MECOM: variants seen among roughly 807,000 people sequenced by gnomAD.
MECOM encodes MDS1 and EVI1 complex locus.
In MECOM, 13 loss-of-function variants were observed where a neutral mutation model predicts 116.3. The observed-to-expected ratio is 0.11, with a 90% CI of 0.07 to 0.18. The LOEUF (loss-of-function observed/expected upper bound fraction) is 0.18. MECOM is among the 10% of genes least tolerant of loss of function. The pLI is 1.00. For missense variants in MECOM, 1,299 were observed against 1,509.0 expected (o/e 0.86, Z 2.31); for synonymous variants, 528 against 535.2 (o/e 0.99, Z 0.19).
At chr3:169,210,209 T>C (rs1346393847) in intron 2 of MECOM, among the ~76,000 whole-genome samples, 2 of 151,948 alleles carry the variant, frequency 1.3e-5, no homozygotes, top group Non-Finnish European at 2.9e-5. Flanking sequence ...AGGGAGAGCA[T>C]TAGGACAAAT....
intron 2 of MECOM, among the ~76,000 whole-genome samples, chr3:169,202,667 C>T (rs927503091): frequency 6.6e-6 from 1 of 151,792 alleles, no homozygotes. Context: ...TACAGTTCCA[C>T]CTAACCAGAC....
At chr3:169,498,047 G>A (rs552929028) in intron 1 of MECOM, among the ~76,000 whole-genome samples, 1 of 152,056 alleles carries the variant, frequency 6.6e-6, no homozygotes, top group Non-Finnish European at 1.5e-5. Flanking sequence ...CTGAATATGC[G>A]CTTTATTTCT....
chr3:169,659,871 G>A (rs1480765656), intron 1 of MECOM, among the ~76,000 whole-genome samples: 1 of 152,106 alleles, frequency 6.6e-6, no homozygotes, highest in Non-Finnish European at 1.5e-5. Flanking sequence ...CTACTTCAGA[G>A]CCTTTTTTTA....
intron 2 of MECOM, among the ~76,000 whole-genome samples, chr3:169,247,960 G>GT (rs1755800483): frequency 6.6e-6 from 1 of 152,184 alleles, no homozygotes; most frequent in Non-Finnish European, 1.5e-5. Context: ...CTTTTGCCCA[G>GT]TGAACCTACA....
At chr3:169,129,183 G>T (rs540990844) in intron 4 of MECOM, among the ~76,000 whole-genome samples, 1 of 151,988 alleles carries the variant, frequency 6.6e-6, no homozygotes, top group Non-Finnish European at 1.5e-5. Context: ...GAAGGAGGGG[G>T]CACATTTCGG....
chr3:169,250,262 C>A (rs376823990), intron 2 of MECOM, among the ~76,000 whole-genome samples: 1 of 152,146 alleles, frequency 6.6e-6, no homozygotes, highest in Non-Finnish European at 1.5e-5. Flanking sequence ...TCAATTGACT[C>A]TTAGTAGCAG....
chr3:169,601,289 A>G (rs1270803077), intron 1 of MECOM, among the ~76,000 whole-genome samples: 2 of 152,236 alleles, frequency 1.3e-5, no homozygotes, highest in African/African-American at 4.8e-5. Context: ...AGGCTTAAAA[A>G]TCATTTCTTT....
At chr3:169,517,514 G>A (rs1210818066) in intron 1 of MECOM, among the ~76,000 whole-genome samples, 4 of 152,172 alleles carry the variant, frequency 2.6e-5, no homozygotes, top group Non-Finnish European at 5.9e-5. Flanking sequence ...AGCAGGGAAG[G>A]AAATGTCCTC....
chr3:169,472,618 A>AAAGG (rs1749663330), intron 1 of MECOM, among the ~76,000 whole-genome samples: 5 of 67,330 alleles, frequency 7.4e-5, no homozygotes, highest in Admixed American at 1.6e-4. Context: ...GAAAGGAAAG[A>AAAGG]AAAGAAAAGA....
chr3:169,257,999 T>C (rs940300752), intron 2 of MECOM, among the ~76,000 whole-genome samples: 10 of 152,164 alleles, frequency 6.6e-5, no homozygotes, highest in African/African-American at 2.4e-4. Context: ...GGCAGGCGGA[T>C]AACTTTAGGT....
In MECOM at chr3:169,122,704, T is replaced by G; in HGVS notation, c.854A>C (p.His285Pro). 1 of 1,613,956 alleles carries G rather than the reference T, an allele frequency of 6.2e-7. No homozygotes were observed. The highest frequency in any genetic ancestry group is 8.5e-7 in the Non-Finnish European group (1 of 1,179,844). ...LQSLEKHMLS[H>P]TEEREYKCDQ... Reference sequence around the variant, plus strand: ...ACACTTGTATTCCCTCTCTTCAGTATGTGACAGCATGTGTTTCTCCAGGCT... The same window carrying G: ...ACACTTGTATTCCCTCTCTTCAGTAGGTGACAGCATGTGTTTCTCCAGGCT... Residue 285 changes from histidine (H) to proline (P), a missense_variant, in exon 6 of 17, where the codon CAT (histidine) becomes CCT (proline). His to Pro is a moderately conservative substitution (Grantham distance 77). Around this residue, in one of 6 missense-constraint regions of MECOM, gnomAD observed 374 missense variants for 433.4 expected, o/e 0.86. Coordinates refer to ENST00000651503, the MANE Select transcript of MECOM (RefSeq NM_004991.4).
chr3:169,131,078 T>C (rs1419913968), intron 4 of MECOM, among the ~76,000 whole-genome samples: 1 of 152,152 alleles, frequency 6.6e-6, no homozygotes, highest in Non-Finnish European at 1.5e-5. Context: ...AAACATCCCC[T>C]TGATTTAGGA....
intron 1 of MECOM, among the ~76,000 whole-genome samples, chr3:169,535,938 A>T (rs1759297606): frequency 6.6e-6 from 1 of 152,248 alleles, no homozygotes; most frequent in African/African-American, 2.4e-5. Flanking sequence ...AAATATAGAA[A>T]CTACCTTCCA....
intron 2 of MECOM, among the ~76,000 whole-genome samples, chr3:169,167,545 G>A (rs553208981): frequency 2.0e-5 from 3 of 152,290 alleles, no homozygotes; most frequent in Non-Finnish European, 2.9e-5. Flanking sequence ...ATATGTAGAT[G>A]ATTCAGATGA....
chr3:169,365,105 A>G (rs1728935043), intron 2 of MECOM, among the ~76,000 whole-genome samples: 1 of 151,974 alleles, frequency 6.6e-6, no homozygotes, highest in South Asian at 2.1e-4. Context: ...ACTTGGATAT[A>G]AAGTAAGCTC....
At chr3:169,119,679 T>C (rs1198327972) in intron 7 of MECOM, among the ~76,000 whole-genome samples, 1 of 152,152 alleles carries the variant, frequency 6.6e-6, no homozygotes, top group Non-Finnish European at 1.5e-5. Flanking sequence ...CAGAAATAAA[T>C]GAACTATTTA....
intron 1 of MECOM, among the ~76,000 whole-genome samples, chr3:169,631,209 A>T (rs1307594389): frequency 6.6e-6 from 1 of 152,228 alleles, no homozygotes; most frequent in Non-Finnish European, 1.5e-5. Flanking sequence ...TCATCCCAGT[A>T]CTTCCTTTGC....
At chr3:169,162,059 A>G (rs1742927983) in intron 2 of MECOM, among the ~76,000 whole-genome samples, 1 of 152,204 alleles carries the variant, frequency 6.6e-6, no homozygotes, top group East Asian at 1.9e-4. Flanking sequence ...TGTTGTTTTC[A>G]ACCATTAAGT....
At chr3:169,524,755 A>G (rs1172667895) in intron 1 of MECOM, among the ~76,000 whole-genome samples, 2 of 152,192 alleles carry the variant, frequency 1.3e-5, no homozygotes, top group East Asian at 3.8e-4. Context: ...TTCTAAATCC[A>G]TTAAGGAGAG....
Sources: allele counts gnomAD v4.1 joint callset (sites outside exome capture counted in the v4.1 genomes callset), GRCh38; gene constraint gnomAD v4.1.1; regional missense constraint gnomAD v4.1.1; transcripts MANE v1.5; gene names NCBI Gene and HGNC (gene_info 2026-07-23, HGNC 2026-07-21).